Variants in CNTN5 observed in about 807,000 individuals in gnomAD.
CNTN5 encodes the protein contactin-5.
In CNTN5, 77 loss-of-function variants were observed where a neutral mutation model predicts 129.1. The ratio of observed to expected loss-of-function variants is 0.60; its 90% CI spans 0.50 to 0.72. The LOEUF (loss-of-function observed/expected upper bound fraction) is 0.72, where lower values mean the gene tolerates loss of function less well. CNTN5 is among the 30% of genes least tolerant of loss of function. The pLI is 0.00. For synonymous variants in CNTN5, 509 were observed against 465.6 expected (o/e 1.09, Z -1.20); for missense variants, 1,478 against 1,328.8 (o/e 1.11, Z -1.75).
intron 3 of CNTN5, among the ~76,000 whole-genome samples, chr11:99,710,644 A>C (rs1954948579): frequency 6.6e-6 from 1 of 150,420 alleles, no homozygotes; most frequent in Non-Finnish European, 1.5e-5. Flanking sequence ...CCACATCCCA[A>C]ATCTGACATT....
chr11:99,504,831 T>C (rs992873106), intron 2 of CNTN5, among the ~76,000 whole-genome samples: 1 of 152,180 alleles, frequency 6.6e-6, no homozygotes, highest in Admixed American at 6.5e-5. Context: ...TTACAGATAG[T>C]TGTCTTTGGT....
intron 1 of CNTN5, among the ~76,000 whole-genome samples, chr11:99,110,772 A>G (rs1339184614): frequency 6.6e-6 from 1 of 152,176 alleles, no homozygotes; most frequent in Non-Finnish European, 1.5e-5. Context: ...TATGTTCCAC[A>G]TCTTATTTTA....
intron 13 of CNTN5, among the ~76,000 whole-genome samples, chr11:100,094,662 G>T (rs1386745264): frequency 1.3e-5 from 2 of 150,888 alleles, no homozygotes; most frequent in African/African-American, 4.9e-5. Flanking sequence ...AGGGTGGAAA[G>T]AAAGAAGAAA....
rs138277733 is a variant in CNTN5, at chr11:99,123,729, C to T, written c.-210+102459C>T. Among the ~76,000 whole-genome samples the T allele has an allele frequency of 3.4e-3, 508 of 149,846 alleles. 2 individuals carry two copies. Among genetic ancestry groups the T allele is most frequent in the African/African-American group, 0.012 (492 of 40,848 alleles). On this transcript the variant is annotated intron_variant, in intron 1 of 24. Transcript: ENST00000524871. ...CTCTTGAGTTGATTTTTGTATATGA[C>T]GTAAGGAAGGGGTCCAATTTCAATC...
At chr11:100,209,393 C>G (rs1404154531) in intron 15 of CNTN5, among the ~76,000 whole-genome samples, 1 of 152,134 alleles carries the variant, frequency 6.6e-6, no homozygotes, top group Admixed American at 6.6e-5. Flanking sequence ...TTGAATGGAT[C>G]CTTTTTTACT....
intron 3 of CNTN5, among the ~76,000 whole-genome samples, chr11:99,698,961 G>A (rs1012247842): frequency 1.3e-5 from 2 of 149,972 alleles, no homozygotes; most frequent in African/African-American, 4.9e-5. Context: ...CAAAGAGGGA[G>A]CTACTCTTGT....
chr11:100,234,004 T>G (rs1005473495), intron 16 of CNTN5, among the ~76,000 whole-genome samples: 4 of 152,002 alleles, frequency 2.6e-5, no homozygotes, highest in Admixed American at 2.0e-4. Context: ...TGGACGCTTC[T>G]CAAAAGAAGA....
At chr11:99,713,554 G>A (rs1955091666) in intron 3 of CNTN5, among the ~76,000 whole-genome samples, 1 of 151,746 alleles carries the variant, frequency 6.6e-6, no homozygotes, top group Admixed American at 6.6e-5. Context: ...AAGATGCTGG[G>A]GTAAATTGCA....
chr11:99,083,610 A>C (rs569197788), intron 1 of CNTN5, among the ~76,000 whole-genome samples: 1 of 152,288 alleles, frequency 6.6e-6, no homozygotes, highest in South Asian at 2.1e-4. Flanking sequence ...AAAAAGTATA[A>C]CTTTTATGTG....
intron 3 of CNTN5, among the ~76,000 whole-genome samples, chr11:99,796,357 G>A (rs1289891297): frequency 2.6e-5 from 4 of 152,052 alleles, no homozygotes; most frequent in African/African-American, 9.7e-5. Flanking sequence ...GGGGAGGGGA[G>A]GTGATGTCCA....
intron 3 of CNTN5, among the ~76,000 whole-genome samples, chr11:99,769,749 A>C (rs1044774662): frequency 2.0e-5 from 3 of 150,146 alleles, no homozygotes; most frequent in African/African-American, 7.3e-5. Flanking sequence ...AGGAGGCAGA[A>C]GTTGCGCTGA....
At chr11:100,095,817 C>G (rs984156503) in intron 13 of CNTN5, among the ~76,000 whole-genome samples, 2 of 152,000 alleles carry the variant, frequency 1.3e-5, no homozygotes, top group Admixed American at 1.3e-4. Context: ...ACACGTGTGC[C>G]TTCGGTGATT....
intron 3 of CNTN5, among the ~76,000 whole-genome samples, chr11:99,685,502 A>G (rs951133617): frequency 5.9e-5 from 9 of 152,028 alleles, no homozygotes; most frequent in African/African-American, 2.2e-4. Flanking sequence ...TATTTTTGTC[A>G]ATTTCAGCTT....
intron 2 of CNTN5, among the ~76,000 whole-genome samples, chr11:99,408,448 G>GAAAGAGAA (rs71305322): frequency 0.046 from 3,583 of 77,898 alleles, 130 homozygotes; most frequent in African/African-American, 0.11. Context: ...AAGAAAGAAA[G>GAAAGAGAA]AGAAAGAAAG....
At chr11:100,332,031 T>C (rs1951916670) in intron 21 of CNTN5, among the ~76,000 whole-genome samples, 1 of 151,936 alleles carries the variant, frequency 6.6e-6, no homozygotes, top group African/African-American at 2.4e-5. Flanking sequence ...ATACAAAAGA[T>C]AAATGAAACA....
chr11:99,405,606 C>CTTTGGTGTGTTATATCGAA lies in CNTN5; in HGVS notation c.-71+80123_-71+80124insTTGGTGTGTTATATCGAAT, dbSNP rs1942037568. 6.1e-3 allele frequency among the ~76,000 whole-genome samples: 2 copies of CTTTGGTGTGTTATATCGAA among 330 alleles called. 1 individual carries two copies. The allele number at this position is 330 out of a possible 152,430, so 0.2% of individuals were successfully genotyped here. ...ATTTACCTGATAGAATTCTGAATTC[C>CTTTGGTGTGTTATATCGAA]TGGCCGGGCGCGGTGGCTCACGCCT... On this transcript the variant is annotated intron_variant, in intron 2 of 24. Coordinates refer to ENST00000524871, the MANE Select transcript of CNTN5 (RefSeq NM_014361.4).
At chr11:99,798,672 C>A (rs1043462629) in intron 3 of CNTN5, among the ~76,000 whole-genome samples, 1 of 151,788 alleles carries the variant, frequency 6.6e-6, no homozygotes, top group Admixed American at 6.6e-5. Flanking sequence ...AGTACTGTAC[C>A]TTTATAGTTT....
intron 18 of CNTN5, among the ~76,000 whole-genome samples, chr11:100,292,424 C>T (rs1264760007): frequency 6.6e-6 from 1 of 151,958 alleles, no homozygotes; most frequent in African/African-American, 2.4e-5. Context: ...TTTCACATTC[C>T]TGGGCTGCCA....
chr11:99,191,494 G>A (rs1040719738), intron 1 of CNTN5, among the ~76,000 whole-genome samples: 1 of 151,664 alleles, frequency 6.6e-6, no homozygotes, highest in Non-Finnish European at 1.5e-5. Flanking sequence ...CATACACAGG[G>A]CATACCATAC....
Sources: gnomAD v4.1 joint callset for allele counts (sites outside exome capture counted in the v4.1 genomes callset) on GRCh38, gnomAD v4.1.1 for gene constraint, MANE v1.5 for transcripts, NCBI Gene and HGNC (gene_info 2026-07-23, HGNC 2026-07-21) for gene names.